Variants in TEAD1 observed in about 807,000 individuals in gnomAD.
TEAD1 encodes the protein transcriptional enhancer factor TEF-1.
Under a neutral mutation model 54.9 loss-of-function variants are expected in TEAD1, and 9 were observed. The ratio of observed to expected loss-of-function variants is 0.16; its 90% CI spans 0.10 to 0.29. The LOEUF is 0.29. TEAD1 is among the 10% of genes least tolerant of loss of function. The pLI, the probability that TEAD1 is intolerant of heterozygous loss-of-function variation, is 1.00. For missense variants in TEAD1, 387 were observed against 535.9 expected (o/e 0.72, Z 2.74); for synonymous variants, 200 against 187.8 (o/e 1.07, Z -0.53).
chr11:12,730,416 G>GTTTTTTTT (rs59731479), intron 2 of TEAD1, among the ~76,000 whole-genome samples: 2 of 60,236 alleles, frequency 3.3e-5, no homozygotes, highest in Non-Finnish European at 6.0e-5. Flanking sequence ...CCAGTTGAGT[G>GTTTTTTTT]TTTTTTTTTT....
chr11:12,836,537 G>A (rs1034399776), intron 3 of TEAD1, among the ~76,000 whole-genome samples: 3 of 152,158 alleles, frequency 2.0e-5, no homozygotes, highest in African/African-American at 7.2e-5. Flanking sequence ...GAATCGTTAT[G>A]TTGCGAGCAT....
chr11:12,862,440 T>G, intron 4 of TEAD1, 126 bp downstream of exon 4: 2 of 780,090 alleles, frequency 2.6e-6, no homozygotes, highest in Admixed American at 4.0e-5. Context: ...AGGACGTCAG[T>G]GTTGGAGGTA....
intron 2 of TEAD1, among the ~76,000 whole-genome samples, chr11:12,695,777 G>T (rs1194534014): frequency 6.6e-6 from 1 of 152,166 alleles, no homozygotes; most frequent in Non-Finnish European, 1.5e-5. Flanking sequence ...CCTATAGATG[G>T]CAGATTATTT....
At chr11:12,883,220 C>T (rs1481759763) in intron 9 of TEAD1, 95 bp downstream of exon 9, 6 of 1,578,644 alleles carry the variant, frequency 3.8e-6, no homozygotes, top group Non-Finnish European at 5.2e-6. Context: ...TTTACCCCGC[C>T]CCATGCCTGA....
chr11:12,840,810 C>A (rs1383181575), intron 3 of TEAD1, among the ~76,000 whole-genome samples: 1 of 152,116 alleles, frequency 6.6e-6, no homozygotes, highest in Non-Finnish European at 1.5e-5. Flanking sequence ...GGATGAGATA[C>A]CCAGTGGCTT....
At chr11:12,774,723 A>G (rs1945384584) in intron 3 of TEAD1, among the ~76,000 whole-genome samples, 1 of 152,194 alleles carries the variant, frequency 6.6e-6, no homozygotes, top group African/African-American at 2.4e-5. Flanking sequence ...GTAATTATGT[A>G]TGAAGAAGTT....
Position 12,829,245 on chromosome 11 carries a change from G to A in TEAD1, c.203-33005G>A, listed in dbSNP as rs547666549. 3.9e-5 allele frequency among the ~76,000 whole-genome samples: 6 copies of A among 152,284 alleles called. No individual in the cohort carries two copies. The East Asian group carries it at 7.7e-4, about 20-fold the overall frequency. ...TTTACCATACCATTGAATTCTCAGA[G>A]CTTTCCGTGGTGGCTGGCCCAAGGC... On this transcript the variant is annotated intron_variant, in intron 3 of 12. Coordinates refer to ENST00000527636, the MANE Select transcript of TEAD1 (RefSeq NM_021961.6).
At chr11:12,689,462 G>A (rs1279820167) in intron 2 of TEAD1, among the ~76,000 whole-genome samples, 1 of 152,160 alleles carries the variant, frequency 6.6e-6, no homozygotes, top group Non-Finnish European at 1.5e-5. Flanking sequence ...CCCTGAAATG[G>A]ACATAGAAGT....
chr11:12,692,499 C>T (rs1158366372), intron 2 of TEAD1, among the ~76,000 whole-genome samples: 1 of 152,084 alleles, frequency 6.6e-6, no homozygotes, highest in Admixed American at 6.5e-5. Flanking sequence ...GCCCCTCACC[C>T]ACCACCCCGG....
intron 2 of TEAD1, among the ~76,000 whole-genome samples, chr11:12,679,874 C>T (rs932604771): frequency 6.6e-6 from 1 of 151,892 alleles, no homozygotes; most frequent in Middle Eastern, 3.2e-3. Flanking sequence ...TCAATAGATC[C>T]GAATATTAAG....
At chr11:12,849,633 AGAATTCTTCTGGT>A (rs1445685568) in intron 3 of TEAD1, among the ~76,000 whole-genome samples, 4 of 152,234 alleles carry the variant, frequency 2.6e-5, no homozygotes, top group Non-Finnish European at 5.9e-5. Flanking sequence ...AGAAGTTGAT[AGAATTCTTCTGGT>A]GATAGTTGTT....
intron 3 of TEAD1, among the ~76,000 whole-genome samples, chr11:12,799,529 A>G (rs897852433): frequency 1.3e-5 from 2 of 152,212 alleles, no homozygotes; most frequent in Non-Finnish European, 2.9e-5. Flanking sequence ...TTTAACACCC[A>G]CTAAAAATAA....
intron 9 of TEAD1, among the ~76,000 whole-genome samples, chr11:12,890,926 G>A (rs1483690861): frequency 1.3e-5 from 2 of 152,100 alleles, no homozygotes; most frequent in Non-Finnish European, 2.9e-5. Flanking sequence ...CATCATGCCT[G>A]GCTAATTTTT....
chr11:12,773,901 T>G (rs1590136442), intron 3 of TEAD1, among the ~76,000 whole-genome samples: 1 of 152,264 alleles, frequency 6.6e-6, no homozygotes, highest in East Asian at 1.9e-4. Context: ...CTGTGTCTTG[T>G]TCTAAGAGTT....
chr11:12,904,844 C>T (rs769761215), intron 10 of TEAD1: 19 of 357,796 alleles, frequency 5.3e-5, no homozygotes, highest in Admixed American at 4.8e-4. Context: ...TACATGATCA[C>T]CAAACTGCTG....
At chr11:12,792,489 A>G (rs1945824877) in intron 3 of TEAD1, among the ~76,000 whole-genome samples, 1 of 151,828 alleles carries the variant, frequency 6.6e-6, no homozygotes, top group African/African-American at 2.4e-5. Context: ...CTGTTTATTC[A>G]TGTCTGTATG....
intron 11 of TEAD1, among the ~76,000 whole-genome samples, chr11:12,928,824 C>T (rs540932102): frequency 2.6e-5 from 4 of 152,242 alleles, no homozygotes; most frequent in Middle Eastern, 3.4e-3. Flanking sequence ...ATGGCTGAAT[C>T]GAGCTAATTA....
intron 2 of TEAD1, among the ~76,000 whole-genome samples, chr11:12,697,937 C>T (rs990754811): frequency 3.3e-5 from 5 of 151,606 alleles, no homozygotes; most frequent in African/African-American, 9.7e-5. Context: ...GTGGGAGAAT[C>T]GCTTGAACCC....
At chr11:12,726,543 T>C (rs2133872781) in intron 2 of TEAD1, among the ~76,000 whole-genome samples, 1 of 126,058 alleles carries the variant, frequency 7.9e-6, no homozygotes, top group African/African-American at 3.5e-5. Context: ...TTCAAAGACT[T>C]AGTATGGGGG....
Sources: allele counts gnomAD v4.1 joint callset (sites outside exome capture counted in the v4.1 genomes callset), GRCh38; gene constraint gnomAD v4.1.1; transcripts MANE v1.5; gene names NCBI Gene and HGNC (gene_info 2026-07-23, HGNC 2026-07-21).